Variants in CPPED1 observed in about 807,000 individuals in gnomAD.
CPPED1 encodes calcineurin like phosphoesterase domain containing 1.
Under a neutral mutation model 28.0 loss-of-function variants are expected in CPPED1, and 28 were observed. The observed-to-expected ratio is 1.00, with a 90% confidence interval of 0.74 to 1.37. The LOEUF (loss-of-function observed/expected upper bound fraction) is 1.37, where lower values mean the gene tolerates loss of function less well. CPPED1 is among the 40% of genes most tolerant of loss of function. The pLI is 0.00. For synonymous variants in CPPED1, 198 were observed against 180.2 expected, an observed-to-expected ratio of 1.10 and a Z score of -0.79; for missense variants, 504 against 416.5, an observed-to-expected ratio of 1.21 and a Z score of -1.83.
chr16:12,762,917 A>G (rs1360725682), intron 2 of CPPED1, among the ~76,000 whole-genome samples: 1 of 152,006 alleles, frequency 6.6e-6, no homozygotes, highest in Non-Finnish European at 1.5e-5. Flanking sequence ...CTAATTAAAA[A>G]AAAAAAATTT....
At chr16:12,671,157 T>C (rs1215697453) in intron 3 of CPPED1, among the ~76,000 whole-genome samples, 1 of 152,200 alleles carries the variant, frequency 6.6e-6, no homozygotes, top group Non-Finnish European at 1.5e-5. Context: ...GGCTGTATTT[T>C]TAAAAGTATA....
chr16:12,704,145 C>A lies in CPPED1; in HGVS notation c.715+479G>T, dbSNP rs147901567. On this transcript the variant is annotated intron_variant, in intron 3 of 3. Transcript: ENST00000381774. Reference sequence around the variant, plus strand: ...CAGCTTGACTCTTAAAGATCGTCTGCCCTTGAGCAAGGTGCCTGCTTCCCA... The same window carrying A: ...CAGCTTGACTCTTAAAGATCGTCTGACCTTGAGCAAGGTGCCTGCTTCCCA... Among the ~76,000 whole-genome samples the A allele has an allele frequency of 4.9e-3, 748 of 152,296 alleles. 6 individuals carry two copies. The highest frequency in any genetic ancestry group is 0.01 in the Middle Eastern group (3 of 294).
At chr16:12,669,881 C>A (rs1177360048) in intron 3 of CPPED1, among the ~76,000 whole-genome samples, 1 of 152,144 alleles carries the variant, frequency 6.6e-6, no homozygotes, top group African/African-American at 2.4e-5. Context: ...GAAACAAAAA[C>A]CCTGCAACGA....
intron 3 of CPPED1, among the ~76,000 whole-genome samples, chr16:12,697,432 T>C (rs2079997683): frequency 6.6e-6 from 1 of 152,140 alleles, no homozygotes; most frequent in African/African-American, 2.4e-5. Flanking sequence ...AGGCACGCCC[T>C]CCACTGAAGA....
In CPPED1 at chr16:12,662,772, A is replaced by C. The variant is rs1309911194; in HGVS notation, c.*2114T>G. 6.6e-6 allele frequency: 1 copy of C among 152,208 alleles called. No individual in the cohort carries two copies. Among genetic ancestry groups the C allele is most frequent in the Non-Finnish European group, 1.5e-5 (1 of 68,042 alleles). 9.4% of individuals were successfully genotyped at this position (152,208 alleles called of 1,614,324 possible). A position where few individuals can be genotyped will look rare whatever the true frequency, so the allele number is the denominator to read the frequency against. ...TATACATACCACATGTTCTTTATCC[A>C]ATCATCTGTTGATGTGATTCCCTTT... is the stretch of plus-strand genomic sequence containing the variant. On this transcript the variant is annotated 3_prime_UTR_variant, in exon 4 of 4. Transcript: ENST00000381774.
At chr16:12,784,149 G>A (rs1436453509) in intron 1 of CPPED1, among the ~76,000 whole-genome samples, 1 of 152,208 alleles carries the variant, frequency 6.6e-6, no homozygotes, top group Non-Finnish European at 1.5e-5. Flanking sequence ...CAGAGCCCTT[G>A]CTCTGGAGAT....
intron 2 of CPPED1, among the ~76,000 whole-genome samples, chr16:12,718,554 A>AG (rs1555486678): frequency 2.5e-4 from 38 of 151,250 alleles, no homozygotes; most frequent in East Asian, 9.7e-4. Context: ...AAAAAAAAAA[A>AG]AAAGAAAGAA....
At chr16:12,799,420 A>C (rs1179922976) in intron 1 of CPPED1, among the ~76,000 whole-genome samples, 1 of 151,806 alleles carries the variant, frequency 6.6e-6, no homozygotes, top group Non-Finnish European at 1.5e-5. Flanking sequence ...TAATTTTTTT[A>C]ATTTTAGTAG....
chr16:12,698,715 G>A lies in CPPED1; in HGVS notation c.715+5909C>T, dbSNP rs571479022. ...CAAAGTGCCGGGATTACAGGTGTGAGCCACTGCACCTGCCAAAACTTTGAA... is the reference window on the plus strand; with the variant it reads ...CAAAGTGCCGGGATTACAGGTGTGAACCACTGCACCTGCCAAAACTTTGAA... On this transcript the variant is annotated intron_variant, in intron 3 of 3. Transcript: ENST00000381774. Among the ~76,000 whole-genome samples, 29 of 152,294 alleles carry A rather than the reference G, an allele frequency of 1.9e-4. 1 individual carries two copies. In the South Asian group the frequency reaches 2.5e-3, roughly 13 times the overall value.
At chr16:12,797,079 T>C (rs1475058180) in intron 1 of CPPED1, among the ~76,000 whole-genome samples, 1 of 152,198 alleles carries the variant, frequency 6.6e-6, no homozygotes, top group Non-Finnish European at 1.5e-5. Context: ...AGCAGTTGCC[T>C]GTGCTGGGAG....
intron 2 of CPPED1, among the ~76,000 whole-genome samples, chr16:12,764,339 G>A (rs1049025598): frequency 6.6e-6 from 1 of 152,022 alleles, no homozygotes; most frequent in Non-Finnish European, 1.5e-5. Context: ...AAGTAGCTGC[G>A]ATAACATGCA....
At chr16:12,747,625 C>T (rs1230306757) in intron 2 of CPPED1, among the ~76,000 whole-genome samples, 2 of 151,944 alleles carry the variant, frequency 1.3e-5, no homozygotes, top group East Asian at 3.9e-4. Flanking sequence ...GCCCATGTTG[C>T]CTGTCTGGTC....
intron 3 of CPPED1, among the ~76,000 whole-genome samples, chr16:12,674,817 G>A (rs1228192131): frequency 6.6e-5 from 10 of 152,150 alleles, no homozygotes; most frequent in Admixed American, 6.5e-4. Flanking sequence ...TGACCTCTGT[G>A]AGTTGGCATT....
intron 2 of CPPED1, among the ~76,000 whole-genome samples, chr16:12,766,277 GGA>G (rs762583415): frequency 3.3e-5 from 4 of 119,952 alleles, no homozygotes; most frequent in East Asian, 2.1e-4. Flanking sequence ...AGAGAGAGAG[GGA>G]GAGAGAGAGA....
At position 12,682,361 on chromosome 16, in the gene CPPED1, G is replaced by C. The variant is rs1460417746; in HGVS notation, c.716-17246C>G. The stretch of plus-strand genomic sequence containing the variant: ...CCTTTATTACTTTTCTACATGGGGG[G>C]CTATGCTCAACTTTTTATTTTTTCC... On this transcript the variant is annotated intron_variant, in intron 3 of 3. Coordinates refer to ENST00000381774, the MANE Select transcript of CPPED1 (RefSeq NM_018340.3). The surrounding 1 kb of genome is among the most constrained non-coding windows in gnomAD (Gnocchi z 6.1). Among the ~76,000 whole-genome samples, 2 of 152,120 alleles carry C rather than the reference G, an allele frequency of 1.3e-5. No homozygotes were observed. Among genetic ancestry groups the C allele is most frequent in the Non-Finnish European group, 2.9e-5 (2 of 68,018 alleles).
intron 3 of CPPED1, among the ~76,000 whole-genome samples, chr16:12,697,455 T>C (rs911095198): frequency 6.6e-6 from 1 of 152,164 alleles, no homozygotes; most frequent in East Asian, 1.9e-4. Flanking sequence ...TTCAGGAGGC[T>C]TGTTCTGGGC....
rs973460388 is a variant in CPPED1, at chr16:12,662,986, C to T, written c.*1900G>A. 8 of 152,160 alleles carry T rather than the reference C, an allele frequency of 5.3e-5. No individual in the cohort carries two copies. Among genetic ancestry groups the T allele is most frequent in the African/African-American group, 1.9e-4 (8 of 41,412 alleles). The allele number at this position is 152,160 out of a possible 1,614,324, so 9.4% of individuals were successfully genotyped here. ...CTTTTCATTTCCCCCTGGAGGAACC[C>T]CCATCCTGGAATCGAAGCCCTCTGT... is the stretch of plus-strand genomic sequence containing the variant. On this transcript the variant is annotated 3_prime_UTR_variant, in exon 4 of 4. Transcript: ENST00000381774.
In CPPED1 at chr16:12,686,158, T is replaced by C. The variant is rs142864691; in HGVS notation, c.715+18466A>G. On this transcript the variant is annotated intron_variant, in intron 3 of 3. Coordinates refer to ENST00000381774, the MANE Select transcript of CPPED1 (RefSeq NM_018340.3). Reference sequence around the variant, plus strand: ...GCTATTGATACTATCCTATACTTGTTAGAACAGTCACTCTCCTTTTGGGGT... The same window carrying C: ...GCTATTGATACTATCCTATACTTGTCAGAACAGTCACTCTCCTTTTGGGGT... 2.3e-3 allele frequency among the ~76,000 whole-genome samples: 344 copies of C among 152,298 alleles called. 2 individuals are homozygous for C. The highest frequency in any genetic ancestry group is 7.9e-3 in the African/African-American group (327 of 41,568).
chr16:12,776,531 T>G (rs2080498851), intron 2 of CPPED1, among the ~76,000 whole-genome samples: 1 of 152,198 alleles, frequency 6.6e-6, no homozygotes, highest in Non-Finnish European at 1.5e-5. Context: ...CTCATGCTGT[T>G]GTCGTGACTG....
Sources: gnomAD v4.1 joint callset for allele counts (sites outside exome capture counted in the v4.1 genomes callset) on GRCh38, gnomAD v4.1.1 for gene constraint, Gnocchi (gnomAD v3.1) non-coding constraint, MANE v1.5 for transcripts, NCBI Gene and HGNC (gene_info 2026-07-23, HGNC 2026-07-21) for gene names.